Variants in TMEFF1 observed in about 807,000 individuals in gnomAD.
The protein encoded by TMEFF1 is transmembrane protein with EGF like and two follistatin like domains 1, also known as tomoregulin-1.
A neutral mutation model predicts 47.5 loss-of-function variants in TMEFF1; 20 were observed. The observed-to-expected ratio is 0.42, with a 90% CI of 0.30 to 0.61. The LOEUF (loss-of-function observed/expected upper bound fraction) is 0.61. Among genes scored for constraint, TMEFF1 ranks in the 20% least tolerant of loss-of-function variants. The pLI, the probability that TMEFF1 is intolerant of heterozygous loss-of-function variation, is 0.19. For synonymous variants in TMEFF1, 162 were observed against 166.3 expected (o/e 0.97, Z 0.20); for missense variants, 411 against 471.1 (o/e 0.87, Z 1.18).
intron 1 of TMEFF1, among the ~76,000 whole-genome samples, chr9:100,497,900 A>G (rs1167550610): frequency 1.3e-5 from 2 of 150,156 alleles, no homozygotes; most frequent in Non-Finnish European, 3.0e-5. Context: ...TGTATTCACC[A>G]CTACACTGGG....
At chr9:100,530,358 AAGAG>A (rs982672537) in intron 5 of TMEFF1, among the ~76,000 whole-genome samples, 18 of 152,274 alleles carry the variant, frequency 1.2e-4, no homozygotes, top group African/African-American at 4.3e-4. Flanking sequence ...CAAAGAAAAA[AAGAG>A]AGAAGAATCA....
At chr9:100,527,199 T>C (rs1257037454) in intron 5 of TMEFF1, among the ~76,000 whole-genome samples, 1 of 151,472 alleles carries the variant, frequency 6.6e-6, no homozygotes. Context: ...TGTTCATGAA[T>C]TGTCTTTTTA....
At chr9:100,485,025 A>G (rs1246289519) in intron 1 of TMEFF1, among the ~76,000 whole-genome samples, 1 of 152,198 alleles carries the variant, frequency 6.6e-6, no homozygotes, top group Non-Finnish European at 1.5e-5. Flanking sequence ...GACATTTCAT[A>G]TAAATGGAAT....
At chr9:100,528,994 C>G (rs1255309955) in intron 5 of TMEFF1, among the ~76,000 whole-genome samples, 2 of 147,714 alleles carry the variant, frequency 1.4e-5, no homozygotes, top group African/African-American at 2.5e-5. Flanking sequence ...CCAAACTAAG[C>G]TTCATAAGTG....
chr9:100,552,863 G>GAAA (rs71356303), intron 7 of TMEFF1, among the ~76,000 whole-genome samples: 1 of 133,732 alleles, frequency 7.5e-6, no homozygotes. Flanking sequence ...CACTGTTTTG[G>GAAA]AAAAAAAAAA....
intron 1 of TMEFF1, among the ~76,000 whole-genome samples, chr9:100,484,052 A>G (rs547530444): frequency 2.0e-5 from 3 of 152,254 alleles, no homozygotes; most frequent in African/African-American, 4.8e-5. Flanking sequence ...TATAGAGTAG[A>G]TTTCAAGTAT....
chr9:100,502,089 G>A (rs1038165025), intron 2 of TMEFF1, among the ~76,000 whole-genome samples: 2 of 152,128 alleles, frequency 1.3e-5, no homozygotes, highest in African/African-American at 2.4e-5. Flanking sequence ...TTTCCTTCTA[G>A]AAGTATTTTG....
At chr9:100,511,786 AG>A (rs1490205508) in intron 3 of TMEFF1, among the ~76,000 whole-genome samples, 2 of 152,040 alleles carry the variant, frequency 1.3e-5, no homozygotes, top group African/African-American at 4.8e-5. Context: ...CTCAGTGGGG[AG>A]GTACTGTCTT....
rs377632306 is a variant in TMEFF1, at chr9:100,561,386, G to A, written c.776-11G>A. 127 of 1,609,048 alleles carry A rather than the reference G, an allele frequency of 7.9e-5. No homozygotes were observed. In the African/African-American group the frequency reaches 1.4e-3, roughly 17 times the overall value. On this transcript the variant is annotated splice_polypyrimidine_tract_variant and intron_variant, in intron 7 of 9. Coordinates refer to ENST00000374879, the MANE Select transcript of TMEFF1 (RefSeq NM_003692.5). ...TTCATTGTTGAACGATCTGGTTTATGTTCTTTTAAGATGCTAGTGATCAAA... is the reference window on the plus strand; with the variant it reads ...TTCATTGTTGAACGATCTGGTTTATATTCTTTTAAGATGCTAGTGATCAAA...
chr9:100,502,992 C>A (rs1837795692), intron 2 of TMEFF1, among the ~76,000 whole-genome samples: 1 of 152,172 alleles, frequency 6.6e-6, no homozygotes, highest in South Asian at 2.1e-4. Flanking sequence ...CCGAGTGAAC[C>A]TTCCTTTGAC....
chr9:100,478,222 A>G (rs1837271120), intron 1 of TMEFF1, among the ~76,000 whole-genome samples: 1 of 152,206 alleles, frequency 6.6e-6, no homozygotes, highest in Non-Finnish European at 1.5e-5. Context: ...ATGAAGATGA[A>G]GCATAGGGAA....
At position 100,572,647 on chromosome 9, in the gene TMEFF1, C is replaced by T. The variant is rs757794627; in HGVS notation, c.1029C>T (p.Ile343=). The change falls in exon 9 of 10, where the codon ATC becomes ATT. Residue 343 remains isoleucine, a synonymous_variant. Transcript: ENST00000374879. ...AAIIGAVQIA[I]IVAIVMCITR... Reference sequence around the variant, plus strand: ...TTATTGGAGCTGTACAGATTGCCATCATAGTAGCAATTGTAATGTGCATAA... The same window carrying T: ...TTATTGGAGCTGTACAGATTGCCATTATAGTAGCAATTGTAATGTGCATAA... 2.0e-5 allele frequency: 32 copies of T among 1,611,308 alleles called. No individual in the cohort carries two copies. In the East Asian group the frequency reaches 6.9e-4, roughly 35 times the overall value.
intron 1 of TMEFF1, among the ~76,000 whole-genome samples, chr9:100,484,917 T>C (rs1837420808): frequency 6.6e-6 from 1 of 152,132 alleles, no homozygotes; most frequent in South Asian, 2.1e-4. Flanking sequence ...CCTCAAGTGA[T>C]CTGCCTGCCT....
chr9:100,489,483 A>G (rs1028554127), intron 1 of TMEFF1, among the ~76,000 whole-genome samples: 17 of 152,206 alleles, frequency 1.1e-4, no homozygotes, highest in African/African-American at 4.1e-4. Flanking sequence ...GAGGCACTGC[A>G]CCCTGCCTAC....
At chr9:100,511,823 AG>A (rs1318712537) in intron 3 of TMEFF1, among the ~76,000 whole-genome samples, 3 of 152,190 alleles carry the variant, frequency 2.0e-5, no homozygotes, top group Non-Finnish European at 4.4e-5. Flanking sequence ...TCGTAATCTC[AG>A]GGTGGGACGG....
rs952060586 is a variant in TMEFF1, at chr9:100,527,723, C to T, written c.560+10952C>T. Reference sequence around the variant, plus strand: ...AAACAAAGCAGCCGGGAAGCTCGAACTGGGTGGAGCCCACCACAGCTCAAG... The same window carrying T: ...AAACAAAGCAGCCGGGAAGCTCGAATTGGGTGGAGCCCACCACAGCTCAAG... On this transcript the variant is annotated intron_variant, in intron 5 of 9. Coordinates refer to ENST00000374879, the MANE Select transcript of TMEFF1 (RefSeq NM_003692.5). Among the ~76,000 whole-genome samples, 389 of 152,328 alleles carry T rather than the reference C, an allele frequency of 2.6e-3. 1 individual carries two copies. Among genetic ancestry groups the T allele is most frequent in the Admixed American group, 3.9e-3 (59 of 15,304 alleles).
intron 5 of TMEFF1, among the ~76,000 whole-genome samples, chr9:100,541,143 A>T: frequency 6.6e-6 from 1 of 152,164 alleles, no homozygotes; most frequent in Non-Finnish European, 1.5e-5. Flanking sequence ...CAAACAGAAA[A>T]GGAGAAAAAT....
At chr9:100,498,576 G>C (rs1259500933) in intron 1 of TMEFF1, among the ~76,000 whole-genome samples, 189 bp from the exon 2 acceptor site, 1 of 152,038 alleles carries the variant, frequency 6.6e-6, no homozygotes, top group Non-Finnish European at 1.5e-5. Context: ...GCAGGATTCT[G>C]TTTGGGGAAT....
intron 2 of TMEFF1, among the ~76,000 whole-genome samples, chr9:100,505,715 C>A (rs1020232997): frequency 4.6e-5 from 7 of 152,118 alleles, no homozygotes; most frequent in Non-Finnish European, 1.0e-4. Context: ...GTCCGTCTGT[C>A]AATGTGACAA....
Sources: gnomAD v4.1 joint callset for allele counts (sites outside exome capture counted in the v4.1 genomes callset) on GRCh38, gnomAD v4.1.1 for gene constraint, MANE v1.5 for transcripts, NCBI Gene and HGNC (gene_info 2026-07-23, HGNC 2026-07-21) for gene names.